The following RAD51B variants were observed in gnomAD, a reference collection of about 807,000 sequenced individuals.
RAD51B encodes RAD51 paralog B, also known as DNA repair protein RAD51 homolog 2.
Under a neutral mutation model 42.2 loss-of-function variants are expected in RAD51B, and 38 were observed. That is an observed-to-expected ratio of 0.90 (90% CI 0.70 to 1.18). RAD51B has a LOEUF of 1.18. RAD51B is among the 50% of genes most tolerant of loss of function. RAD51B has a pLI of 0.00. For missense variants in RAD51B, 373 were observed against 400.7 expected, an observed-to-expected ratio of 0.93 and a Z score of 0.59; for synonymous variants, 154 against 145.2, an observed-to-expected ratio of 1.06 and a Z score of -0.43.
intron 10 of RAD51B, among the ~76,000 whole-genome samples, chr14:68,624,423 C>A (rs1266656179): frequency 2.0e-5 from 3 of 152,154 alleles, no homozygotes; most frequent in African/African-American, 7.2e-5. Context: ...GGGAGTGAGG[C>A]CTGCCAATCA....
intron 10 of RAD51B, among the ~76,000 whole-genome samples, chr14:68,580,497 C>T (rs1890164482): frequency 6.6e-6 from 1 of 152,188 alleles, no homozygotes; most frequent in African/African-American, 2.4e-5. Flanking sequence ...AAGTGAGTCA[C>T]TGAGTGGGAA....
At chr14:68,497,252 T>C in intron 10 of RAD51B, 1 of 1,354,622 alleles carries the variant, frequency 7.4e-7, no homozygotes, top group Non-Finnish European at 9.7e-7. Flanking sequence ...CGTTCTCTGC[T>C]AAAACATTTG....
At chr14:68,468,447 G>C in intron 10 of RAD51B, 197 bp downstream of exon 10, 2 of 717,404 alleles carry the variant, frequency 2.8e-6, no homozygotes, top group Non-Finnish European at 5.1e-6. Context: ...GAAGATTGAG[G>C]TAGGGCCGAA....
At chr14:68,508,967 G>A (rs1480381040) in intron 10 of RAD51B, among the ~76,000 whole-genome samples, 1 of 152,244 alleles carries the variant, frequency 6.6e-6, no homozygotes, top group African/African-American at 2.4e-5. Flanking sequence ...TGCCTGCCAT[G>A]CAATCATAAT....
chr14:68,352,516 AT>A (rs771051885), intron 8 of RAD51B, among the ~76,000 whole-genome samples: 4 of 152,244 alleles, frequency 2.6e-5, no homozygotes, highest in Non-Finnish European at 4.4e-5. Flanking sequence ...AGAAACTCCT[AT>A]TTTCCTAGGG....
intron 7 of RAD51B, among the ~76,000 whole-genome samples, chr14:68,161,973 A>G (rs1194001315): frequency 6.6e-6 from 1 of 152,364 alleles, no homozygotes; most frequent in East Asian, 1.9e-4. Context: ...TATAGAGGCT[A>G]GGATGCCTAT....
rs559402944 is a variant in RAD51B at position 68,197,727 on chromosome 14, C to T, written c.757-94157C>T. Reference sequence around the variant, plus strand: ...CACTGTAATTTTAATTTTGATTTCACTGATGACTAATGATATTGAATACCT... The same window carrying T: ...CACTGTAATTTTAATTTTGATTTCATTGATGACTAATGATATTGAATACCT... On this transcript the variant is annotated intron_variant, in intron 7 of 10. Coordinates refer to ENST00000471583, the MANE Select transcript of RAD51B (RefSeq NM_133510.4). 2.6e-4 allele frequency among the ~76,000 whole-genome samples: 40 copies of T among 152,258 alleles called. No individual in the cohort carries two copies. The South Asian group carries it at 8.3e-3, about 32-fold the overall frequency.
intron 10 of RAD51B, among the ~76,000 whole-genome samples, chr14:68,559,422 C>T (rs1889030306): frequency 6.6e-6 from 1 of 151,270 alleles, no homozygotes; most frequent in East Asian, 1.9e-4. Context: ...GCTCTGTCAC[C>T]TAGGCTGGAG....
chr14:68,639,014 A>G (rs1221891960), intron 10 of RAD51B, among the ~76,000 whole-genome samples: 1 of 152,090 alleles, frequency 6.6e-6, no homozygotes, highest in African/African-American at 2.4e-5. Flanking sequence ...AAGGGGAGGC[A>G]CTGAAGAGTT....
intron 7 of RAD51B, among the ~76,000 whole-genome samples, chr14:67,897,827 T>C (rs2043474979): frequency 6.6e-6 from 1 of 152,096 alleles, no homozygotes; most frequent in Non-Finnish European, 1.5e-5. Flanking sequence ...TTTTTTTGTA[T>C]TTTTAGTAGA....
At chr14:67,888,071 A>T (rs2043114736) in intron 7 of RAD51B, among the ~76,000 whole-genome samples, 1 of 152,218 alleles carries the variant, frequency 6.6e-6, no homozygotes, top group African/African-American at 2.4e-5. Context: ...TTTGCAACAT[A>T]AAGAATATGT....
intron 7 of RAD51B, among the ~76,000 whole-genome samples, chr14:68,101,578 T>C (rs1447857280): frequency 2.0e-5 from 3 of 152,226 alleles, no homozygotes; most frequent in Non-Finnish European, 2.9e-5. Context: ...TGATCTCCTT[T>C]GACTCCGTGT....
Position 68,654,546 on chromosome 14 carries a change from G to A in RAD51B, c.*11+3690G>A, listed in dbSNP as rs141340102. ...GCCTCAGTTTCTCCATTTGTGATGG[G>A]AAGAGAACTCCCCGCCCCATCTCCC... On this transcript the variant is annotated intron_variant, in intron 11 of 11. Transcript: ENST00000488612. Among the ~76,000 whole-genome samples the A allele has an allele frequency of 4.3e-3, 654 of 152,312 alleles. 4 individuals are homozygous for A. The highest frequency in any genetic ancestry group is 9.4e-3 in the African/African-American group (391 of 41,572).
chr14:68,574,588 C>T (rs1367946355), intron 10 of RAD51B, among the ~76,000 whole-genome samples: 1 of 152,204 alleles, frequency 6.6e-6, no homozygotes, highest in Non-Finnish European at 1.5e-5. Context: ...GCCAGCCCAC[C>T]ACACCTGGGG....
At chr14:67,862,419 CAAA>C (rs753212601) in intron 4 of RAD51B, among the ~76,000 whole-genome samples, 3 of 117,174 alleles carry the variant, frequency 2.6e-5, no homozygotes, top group African/African-American at 3.1e-5. Flanking sequence ...TAAATGTAAG[CAAA>C]AAAAAAAAAA....
At chr14:67,898,083 A>G (rs2043484051) in intron 7 of RAD51B, among the ~76,000 whole-genome samples, 1 of 152,214 alleles carries the variant, frequency 6.6e-6, no homozygotes, top group Admixed American at 6.5e-5. Context: ...CATATATCCA[A>G]AGGAATTAAA....
chr14:68,309,176 A>G (rs1439339881), intron 8 of RAD51B, among the ~76,000 whole-genome samples: 1 of 152,174 alleles, frequency 6.6e-6, no homozygotes, highest in Admixed American at 6.5e-5. Context: ...TTCTTACAGT[A>G]AGACCCTTCA....
intron 7 of RAD51B, among the ~76,000 whole-genome samples, chr14:68,256,803 A>C (rs559883103): frequency 3.9e-5 from 6 of 152,120 alleles, no homozygotes; most frequent in Non-Finnish European, 7.4e-5. Context: ...AAAAAGAAAA[A>C]CTTTTGGCAC....
intron 7 of RAD51B, among the ~76,000 whole-genome samples, chr14:68,048,285 GTTGT>G (rs1473408901): frequency 7.2e-5 from 11 of 152,126 alleles, no homozygotes; most frequent in African/African-American, 2.7e-4. Flanking sequence ...TTTTGATGGG[GTTGT>G]TTGTTTTTTC....
Sources: gnomAD v4.1 joint callset for allele counts (sites outside exome capture counted in the v4.1 genomes callset) on GRCh38, gnomAD v4.1.1 for gene constraint, MANE v1.5 for transcripts, NCBI Gene and HGNC (gene_info 2026-07-23, HGNC 2026-07-21) for gene names.